ITGA9: variants seen among roughly 807,000 people sequenced by gnomAD.
ITGA9 encodes the protein integrin subunit alpha 9.
A neutral mutation model predicts 127.8 loss-of-function variants in ITGA9; 56 were observed. The ratio of observed to expected loss-of-function variants is 0.44; its 90% CI spans 0.35 to 0.55. The LOEUF (loss-of-function observed/expected upper bound fraction) is 0.55. Among genes scored for constraint, ITGA9 ranks in the 20% least tolerant of loss-of-function variants. The probability of loss-of-function intolerance (pLI) is 0.00; values close to 1 mark genes in which losing one functional copy is unlikely to be tolerated. For synonymous variants in ITGA9, 508 were observed against 514.5 expected, an observed-to-expected ratio of 0.99 and a Z score of 0.17; for missense variants, 1,196 against 1,347.1, an observed-to-expected ratio of 0.89 and a Z score of 1.76.
intron 4 of ITGA9, among the ~76,000 whole-genome samples, chr3:37,492,884 A>G (rs535651160): frequency 1.3e-5 from 2 of 152,280 alleles, no homozygotes; most frequent in East Asian, 3.9e-4. Flanking sequence ...GTGCTATTTG[A>G]TGCAGGATTT....
At chr3:37,656,044 T>C (rs1465214435) in intron 17 of ITGA9, among the ~76,000 whole-genome samples, 2 of 152,180 alleles carry the variant, frequency 1.3e-5, no homozygotes, top group East Asian at 3.9e-4. Context: ...TCTGTTCCAT[T>C]GGTCTATATC....
intron 22 of ITGA9, chr3:37,748,365 TG>T: frequency 1.6e-6 from 1 of 610,214 alleles, no homozygotes; most frequent in South Asian, 1.4e-5. Context: ...GCAAGATTCT[TG>T]CCAAGAAAAT....
At chr3:37,532,568 G>A (rs911055041) in intron 13 of ITGA9, among the ~76,000 whole-genome samples, 1 of 152,236 alleles carries the variant, frequency 6.6e-6, no homozygotes, top group Non-Finnish European at 1.5e-5. Context: ...GCAGATGTCT[G>A]CAGTGGGAGC....
intron 18 of ITGA9, among the ~76,000 whole-genome samples, chr3:37,730,805 A>G (rs570787007): frequency 2.6e-5 from 4 of 152,356 alleles, no homozygotes; most frequent in African/African-American, 7.2e-5. Flanking sequence ...AGGGCTAAGG[A>G]AAGGTGCTCC....
In ITGA9 at chr3:37,494,552, C is replaced by A. The variant is rs150979374; in HGVS notation, c.596C>A (p.Ala199Glu). ...EEHGSCQAGI[A>E]GFFTEELVVM... ...CACGGCTCCTGCCAGGCTGGGATAG[C>A]GGGCTTCTTCACCGAGGTGGGTGTC... is the stretch of plus-strand genomic sequence containing the variant. Residue 199 changes from alanine to glutamate, a missense_variant, in exon 5 of 28, where the codon GCG becomes GAG. Physicochemically the swap from Ala to Glu is moderately radical, Grantham distance 107. Coordinates refer to ENST00000264741, the MANE Select transcript of ITGA9 (RefSeq NM_002207.3). The A allele has an allele frequency of 1.9e-6, 3 of 1,613,462 alleles. No homozygotes were observed. In the Admixed American group the frequency reaches 5.0e-5, roughly 27 times the overall value.
intron 23 of ITGA9, among the ~76,000 whole-genome samples, chr3:37,753,115 A>T (rs1276920060): frequency 6.6e-6 from 1 of 152,244 alleles, no homozygotes; most frequent in Non-Finnish European, 1.5e-5. Context: ...GTGTCTGTCC[A>T]TCAGGAAGCC....
In ITGA9 at chr3:37,799,664, G is replaced by T. The variant is rs565589077; in HGVS notation, c.2890-4159G>T. 6.6e-6 allele frequency among the ~76,000 whole-genome samples: 1 copy of T among 152,198 alleles called. No individual in the cohort carries two copies. The highest frequency in any genetic ancestry group is 1.9e-4 in the East Asian group (1 of 5,204). ...GATACTGTAAACCGAGAAGTGACATGATGAGACCTGTGCCTTAGAAAAACA... is the reference window on the plus strand; with the variant it reads ...GATACTGTAAACCGAGAAGTGACATTATGAGACCTGTGCCTTAGAAAAACA... On this transcript the variant is annotated intron_variant, in intron 26 of 27. Coordinates refer to ENST00000264741, the MANE Select transcript of ITGA9 (RefSeq NM_002207.3). This position sits in a 1 kb window ranked among gnomAD's most constrained non-coding sequence, Gnocchi z 4.0.
At chr3:37,638,791 A>G (rs557985769) in intron 16 of ITGA9, among the ~76,000 whole-genome samples, 4 of 152,342 alleles carry the variant, frequency 2.6e-5, no homozygotes, top group African/African-American at 9.6e-5. Context: ...TGGCCTAATT[A>G]AAGTGGAATC....
At chr3:37,797,530 A>T (rs1697188265) in intron 26 of ITGA9, among the ~76,000 whole-genome samples, 1 of 152,142 alleles carries the variant, frequency 6.6e-6, no homozygotes, top group African/African-American at 2.4e-5. Flanking sequence ...GGGAAAGCAG[A>T]TATTGGAGCA....
chr3:37,716,141 C>T (rs1701132718), intron 18 of ITGA9, among the ~76,000 whole-genome samples: 1 of 152,204 alleles, frequency 6.6e-6, no homozygotes, highest in Admixed American at 6.5e-5. Flanking sequence ...AATTCTCAAG[C>T]ACTTCCATCT....
intron 16 of ITGA9, among the ~76,000 whole-genome samples, chr3:37,637,353 C>T (rs992310530): frequency 6.6e-6 from 1 of 152,076 alleles, no homozygotes; most frequent in Non-Finnish European, 1.5e-5. Flanking sequence ...CTTCACATCC[C>T]TTGTAAGTTG....
At chr3:37,608,389 T>G (rs1699988020) in intron 15 of ITGA9, among the ~76,000 whole-genome samples, 1 of 152,200 alleles carries the variant, frequency 6.6e-6, no homozygotes, top group Non-Finnish European at 1.5e-5. Context: ...GGGATACCAA[T>G]GCAAACAAAC....
chr3:37,752,638 A>G (rs1388826686), intron 23 of ITGA9, among the ~76,000 whole-genome samples: 3 of 152,174 alleles, frequency 2.0e-5, no homozygotes, highest in African/African-American at 7.2e-5. Context: ...TACTCGCCCT[A>G]TGGGCCCTGG....
At chr3:37,595,607 G>C (rs1027181190) in intron 15 of ITGA9, among the ~76,000 whole-genome samples, 4 of 152,226 alleles carry the variant, frequency 2.6e-5, no homozygotes, top group Non-Finnish European at 5.9e-5. Context: ...GTTTGACTCA[G>C]ATCCCCTTGA....
rs184682103 is a variant in ITGA9, at chr3:37,766,850, A to G, written c.2542-10542A>G. Among the ~76,000 whole-genome samples the G allele has an allele frequency of 9.2e-5, 14 of 152,296 alleles. No individual in the cohort carries two copies. In the South Asian group the frequency reaches 1.2e-3, roughly 14 times the overall value. On this transcript the variant is annotated intron_variant, in intron 23 of 27. Transcript: ENST00000264741. ...CATATTTATGTATCGCTTTTTCACT[A>G]AAGAGAATCTGACGGCATCTGGAAA...
intron 18 of ITGA9, among the ~76,000 whole-genome samples, chr3:37,719,221 T>A (rs959617991): frequency 2.6e-5 from 4 of 152,022 alleles, no homozygotes; most frequent in African/African-American, 9.7e-5. Context: ...GGAGGAAGGA[T>A]CATCCTAGAA....
At chr3:37,623,073 G>A (rs1009849473) in intron 15 of ITGA9, among the ~76,000 whole-genome samples, 2 of 152,126 alleles carry the variant, frequency 1.3e-5, no homozygotes, top group Non-Finnish European at 2.9e-5. Flanking sequence ...GAGGCCCAGT[G>A]TGATTTCATT....
intron 27 of ITGA9, among the ~76,000 whole-genome samples, chr3:37,815,863 C>G (rs909589757): frequency 6.6e-6 from 1 of 152,074 alleles, no homozygotes; most frequent in Non-Finnish European, 1.5e-5. Flanking sequence ...TTGAGCTCAG[C>G]GAGACTTACA....
chr3:37,452,799 C>T lies in ITGA9; in HGVS notation c.185+240C>T, dbSNP rs1304049694. Among the ~76,000 whole-genome samples, 3 of 152,160 alleles carry T rather than the reference C, an allele frequency of 2.0e-5. No individual in the cohort carries two copies. Among genetic ancestry groups the T allele is most frequent in the Non-Finnish European group, 4.4e-5 (3 of 68,008 alleles). On this transcript the variant is annotated intron_variant, in intron 1 of 27. Transcript: ENST00000264741. The surrounding 1 kb of genome is among the most constrained non-coding windows in gnomAD (Gnocchi z 7.3). The stretch of plus-strand genomic sequence containing the variant: ...CGGGCGGGGGCGTCCGGGTGCCTCC[C>T]TGGGGTCCCAGCCCAGAGCGTGGGG...
Sources: allele counts gnomAD v4.1 joint callset (sites outside exome capture counted in the v4.1 genomes callset), GRCh38; gene constraint gnomAD v4.1.1; non-coding constraint Gnocchi (gnomAD v3.1); transcripts MANE v1.5; gene names NCBI Gene and HGNC (gene_info 2026-07-23, HGNC 2026-07-21).